Variants in VTCN1 observed in about 807,000 individuals in gnomAD.
VTCN1 encodes V-set domain-containing T-cell activation inhibitor 1.
A neutral mutation model predicts 26.5 loss-of-function variants in VTCN1; 26 were observed. The ratio of observed to expected loss-of-function variants is 0.98; its 90% CI spans 0.72 to 1.36. VTCN1 has a LOEUF of 1.36. Among genes scored for constraint, VTCN1 ranks in the 40% most tolerant of loss-of-function variants. VTCN1 has a pLI of 0.00. For synonymous variants in VTCN1, 116 were observed against 130.7 expected, an observed-to-expected ratio of 0.89 and a Z score of 0.77; for missense variants, 298 against 337.7, an observed-to-expected ratio of 0.88 and a Z score of 0.92.
At chr1:117,184,034 G>A (rs181834248) in intron 1 of VTCN1, among the ~76,000 whole-genome samples, 3 of 152,272 alleles carry the variant, frequency 2.0e-5, no homozygotes, top group Non-Finnish European at 4.4e-5. Context: ...CCAAGTAGGA[G>A]CCCTTTAAAA....
intron 1 of VTCN1, among the ~76,000 whole-genome samples, chr1:117,207,809 C>A (rs912721597): frequency 1.3e-5 from 2 of 152,188 alleles, no homozygotes; most frequent in African/African-American, 4.8e-5. Flanking sequence ...ATCCTACCTG[C>A]CCCTCCAATC....
Position 117,187,901 on chromosome 1 carries a change from G to GA in VTCN1, c.33-17731dup, listed in dbSNP as rs1358789882. The stretch of plus-strand genomic sequence containing the variant: ...AAAGAAAAAAACTAAAAAAAGGGGG[G>GA]ATCTTTGACAATCATTTCCATAATT... On this transcript the variant is annotated intron_variant, in intron 1 of 5. Transcript: ENST00000369458. 2.0e-5 allele frequency among the ~76,000 whole-genome samples: 3 copies of GA among 152,044 alleles called. No homozygotes were observed. In the East Asian group the frequency reaches 5.8e-4, roughly 29 times the overall value.
intron 1 of VTCN1, among the ~76,000 whole-genome samples, chr1:117,178,588 GTTTTTTTTTT>G (rs10657719): frequency 1.1e-5 from 1 of 88,274 alleles, no homozygotes. Flanking sequence ...TCTTTCTTTC[GTTTTTTTTTT>G]TTTTTTTTTT....
Position 117,145,900 on chromosome 1 carries a change from C to T in VTCN1, c.*46-675G>A, listed in dbSNP as rs2101414071. Among the ~76,000 whole-genome samples the T allele has an allele frequency of 6.6e-6, 1 of 152,310 alleles. No homozygotes were observed. The highest frequency in any genetic ancestry group is 1.9e-4 in the East Asian group (1 of 5,178). On this transcript the variant is annotated intron_variant, in intron 5 of 5. Coordinates refer to ENST00000369458, the MANE Select transcript of VTCN1 (RefSeq NM_024626.4). The surrounding 1 kb of genome is among the most constrained non-coding windows in gnomAD (Gnocchi z 4.6). ...CCTCCCATCTTGGCCTCTCAAAGTG[C>T]TGGGGTTACAGGTGTGAGCCACCAT...
intron 2 of VTCN1, among the ~76,000 whole-genome samples, chr1:117,160,395 A>C (rs187915152): frequency 2.2e-4 from 34 of 152,248 alleles, no homozygotes; most frequent in African/African-American, 6.3e-4. Context: ...TCTACCTTTC[A>C]TCTTCGCCTC....
chr1:117,210,740 A>G, intron 1 of VTCN1, 84 bp downstream of exon 1: 1 of 1,450,288 alleles, frequency 6.9e-7, no homozygotes, highest in Non-Finnish European at 9.7e-7. Flanking sequence ...GTCCTATGGG[A>G]CAGCCCAGCA....
intron 1 of VTCN1, chr1:117,203,588 A>G: frequency 2.0e-6 from 2 of 985,174 alleles, no homozygotes; most frequent in Non-Finnish European, 2.4e-6. Flanking sequence ...AAAAGCGCAC[A>G]CAGAGAGAAA....
intron 1 of VTCN1, among the ~76,000 whole-genome samples, chr1:117,170,511 G>A (rs547967519): frequency 5.8e-4 from 88 of 152,222 alleles, no homozygotes; most frequent in African/African-American, 2.0e-3. Context: ...CACTTGAGAA[G>A]GACTGGTCCT....
intron 1 of VTCN1, among the ~76,000 whole-genome samples, chr1:117,179,843 T>C (rs902964885): frequency 2.0e-5 from 3 of 152,200 alleles, no homozygotes; most frequent in African/African-American, 4.8e-5. Flanking sequence ...CCTACGGAGA[T>C]AGATACTATT....
In VTCN1 at chr1:117,205,887, G is replaced by A. The variant is rs532760242; in HGVS notation, c.32+4937C>T. Among the ~76,000 whole-genome samples, 12 of 152,148 alleles carry A rather than the reference G, an allele frequency of 7.9e-5. No individual in the cohort carries two copies. In the South Asian group the frequency reaches 1.5e-3, roughly 18 times the overall value. ...CCACGTGCTTGGTCATAGTCGCATC[G>A]CTCCAATTGGCCCCTGAGGTTGTTG... On this transcript the variant is annotated intron_variant, in intron 1 of 5. Transcript: ENST00000369458.
chr1:117,172,168 C>A (rs766666821), intron 1 of VTCN1, among the ~76,000 whole-genome samples: 6 of 152,166 alleles, frequency 3.9e-5, no homozygotes, highest in Admixed American at 1.3e-4. Context: ...AGGCAAAGAA[C>A]GATGCTATAG....
intron 1 of VTCN1, among the ~76,000 whole-genome samples, chr1:117,186,178 C>G (rs1326030657): frequency 2.6e-5 from 4 of 152,108 alleles, no homozygotes; most frequent in African/African-American, 9.7e-5. Flanking sequence ...TATTTCCAGG[C>G]ATGAGAGATC....
At chr1:117,202,101 C>T (rs1648817172) in intron 1 of VTCN1, among the ~76,000 whole-genome samples, 1 of 152,164 alleles carries the variant, frequency 6.6e-6, no homozygotes, top group South Asian at 2.1e-4. Flanking sequence ...CCCTATCATG[C>T]CTCGTAAGAC....
intron 2 of VTCN1, among the ~76,000 whole-genome samples, chr1:117,158,641 T>C (rs1314951973): frequency 6.6e-6 from 1 of 152,220 alleles, no homozygotes; most frequent in Admixed American, 6.5e-5. Flanking sequence ...GTCTTAGGGA[T>C]TAACATTCAG....
chr1:117,172,122 G>A (rs983055767), intron 1 of VTCN1, among the ~76,000 whole-genome samples: 1 of 152,146 alleles, frequency 6.6e-6, no homozygotes, highest in Admixed American at 6.6e-5. Flanking sequence ...CCACGCTGAT[G>A]TTACTCAATA....
Position 117,156,765 on chromosome 1 carries a change from T to G in VTCN1, c.254A>C (p.Glu85Ala), listed in dbSNP as rs752503628. ...GVLGLVHEFK[E>A]GKDELSEQDE... ...CTGCTCCGACAGCTCATCTTTGCCT[T>G]CTTTGAACTCATGGACCAAGCCTAA... The change falls in exon 3 of 6, where the codon GAA becomes GCA. Residue 85 changes from glutamate to alanine, a missense_variant. Coordinates refer to ENST00000369458, the MANE Select transcript of VTCN1 (RefSeq NM_024626.4). The G allele has an allele frequency of 2.5e-6, 4 of 1,614,078 alleles. No homozygotes were observed. The highest frequency in any genetic ancestry group is 2.7e-5 in the African/African-American group (2 of 74,928).
chr1:117,170,237 T>C (rs1652833554), intron 1 of VTCN1, 66 bp from the exon 2 acceptor site: 2 of 1,445,076 alleles, frequency 1.4e-6, no homozygotes, highest in Non-Finnish European at 1.9e-6. Context: ...GCTTTGCAAC[T>C]GGGGTACAAA....
At chr1:117,206,672 G>A (rs61808506) in intron 1 of VTCN1, among the ~76,000 whole-genome samples, 2 of 1,876 alleles carry the variant, frequency 1.1e-3, no homozygotes, top group Non-Finnish European at 6.3e-3. Context: ...ATTCATATCT[G>A]TTGATGCTGA....
chr1:117,159,456 T>C lies in VTCN1; in HGVS notation c.98-2535A>G, dbSNP rs549621829. 1.3e-5 allele frequency among the ~76,000 whole-genome samples: 2 copies of C among 152,238 alleles called. No homozygotes were observed. Among genetic ancestry groups the C allele is most frequent in the Admixed American group, 6.5e-5 (1 of 15,282 alleles). ...AACAGTATGGGGGGAACCACCCCCATGATTCAAATGATCTCCCACCAGGTC... is the reference window on the plus strand; with the variant it reads ...AACAGTATGGGGGGAACCACCCCCACGATTCAAATGATCTCCCACCAGGTC... On this transcript the variant is annotated intron_variant, in intron 2 of 5. Transcript: ENST00000369458. This position sits in a 1 kb window ranked among gnomAD's most constrained non-coding sequence, Gnocchi z 4.7.
Sources: allele counts gnomAD v4.1 joint callset (sites outside exome capture counted in the v4.1 genomes callset), GRCh38; gene constraint gnomAD v4.1.1; non-coding constraint Gnocchi (gnomAD v3.1); transcripts MANE v1.5; gene names NCBI Gene and HGNC (gene_info 2026-07-23, HGNC 2026-07-21).